UNK: variants seen among roughly 807,000 people sequenced by gnomAD.
UNK encodes unk zinc finger.
In UNK, 32 loss-of-function variants were observed where a neutral mutation model predicts 97.6. The ratio of observed to expected loss-of-function variants is 0.33; its 90% CI spans 0.25 to 0.44. The LOEUF (loss-of-function observed/expected upper bound fraction) is 0.44. UNK is among the 20% of genes least tolerant of loss of function. The pLI is 1.00. For synonymous variants in UNK, 441 were observed against 461.2 expected (o/e 0.96, Z 0.56); for missense variants, 771 against 1,098.4 (o/e 0.70, Z 4.21).
intron 6 of UNK, among the ~76,000 whole-genome samples, chr17:75,814,593 C>A (rs9913385): frequency 0.19 from 28,280 of 151,836 alleles, 2,861 homozygotes; most frequent in African/African-American, 0.26. Flanking sequence ...TAACACAGTT[C>A]CCTTGCCCTC....
chr17:75,785,083 C>T (rs1397853447), intron 1 of UNK, 99 bp downstream of exon 1: 2 of 737,582 alleles, frequency 2.7e-6, no homozygotes, highest in Admixed American at 3.7e-5. Flanking sequence ...GCCTCTTCCT[C>T]CCCCCCTTCC....
chr17:75,814,489 CAAAAAAA>C (rs59234903), intron 6 of UNK, among the ~76,000 whole-genome samples: 2 of 70,022 alleles, frequency 2.9e-5, no homozygotes, highest in African/African-American at 5.9e-5. Context: ...GAGACTCCAT[CAAAAAAA>C]AAAAAAAAAA....
At chr17:75,792,929 T>A (rs2061775192) in intron 1 of UNK, among the ~76,000 whole-genome samples, 1 of 152,250 alleles carries the variant, frequency 6.6e-6, no homozygotes, top group Non-Finnish European at 1.5e-5. Flanking sequence ...CAACAGTGGT[T>A]CAGTGTGGGA....
Position 75,817,401 on chromosome 17 carries a change from C to T in UNK, c.1180C>T (p.Pro394Ser), listed in dbSNP as rs1475069034. 1 of 1,612,514 alleles carries T rather than the reference C, an allele frequency of 6.2e-7. No individual in the cohort carries two copies. Among genetic ancestry groups the T allele is most frequent in the Admixed American group, 1.7e-5 (1 of 59,970 alleles). ...GSPPGSIRKP[P>S]NLEGIVFPGE... ...CCCACCGGGCTCCATCAGGAAGCCCCCAAACCTGGAGGGCATCGTCTTCCC... is the reference window on the plus strand; with the variant it reads ...CCCACCGGGCTCCATCAGGAAGCCCTCAAACCTGGAGGGCATCGTCTTCCC... The change falls in exon 9 of 16, where the codon CCA becomes TCA. Residue 394 changes from proline (P) to serine (S), a missense_variant. Coordinates refer to ENST00000589666, the MANE Select transcript of UNK (RefSeq NM_001080419.3). The surrounding 1 kb of genome is among the most constrained non-coding windows in gnomAD (Gnocchi z 5.8).
In UNK at chr17:75,812,012, A is replaced by G. The variant is rs2061973951; in HGVS notation, c.315-100A>G. The G allele has an allele frequency of 8.0e-6, 11 of 1,380,688 alleles. No homozygotes were observed. In the East Asian group the frequency reaches 2.6e-4, roughly 33 times the overall value. The allele number at this position is 1,380,688 out of a possible 1,614,324, so 85.5% of individuals were successfully genotyped here. On this transcript the variant is annotated intron_variant, in intron 2 of 15. Transcript: ENST00000589666. ...AAACAAAACAAAACAAACAAACAAC[A>G]ACAACAACAACAAAAACAGTTGGGG... is the stretch of plus-strand genomic sequence containing the variant.
At chr17:75,796,320 CTT>C (rs67667491) in intron 1 of UNK, among the ~76,000 whole-genome samples, 44 of 137,190 alleles carry the variant, frequency 3.2e-4, no homozygotes, top group Admixed American at 4.4e-4. Flanking sequence ...ATATTTAAAG[CTT>C]TTTTTTTTTT....
At chr17:75,789,053 C>T (rs993210255) in intron 1 of UNK, among the ~76,000 whole-genome samples, 4 of 152,064 alleles carry the variant, frequency 2.6e-5, no homozygotes, top group Admixed American at 6.6e-5. Context: ...TTTGAGCCCT[C>T]CTTTTCCTAA....
Position 75,819,756 on chromosome 17 carries a change from C to T in UNK, c.1619C>T (p.Thr540Ile). 1 of 1,613,898 alleles carries T rather than the reference C, an allele frequency of 6.2e-7. No homozygotes were observed. Among genetic ancestry groups the T allele is most frequent in the African/African-American group, 1.3e-5 (1 of 75,078 alleles). Residue 540 changes from threonine (T) to isoleucine (I), a missense_variant, in exon 12 of 16, where the codon ACA (threonine) becomes ATA (isoleucine). Physicochemically the swap from Thr to Ile is moderately conservative, Grantham distance 89. Around this residue, in one of 5 missense-constraint regions of UNK, gnomAD observed 91 missense variants for 173.1 expected, o/e 0.53. Transcript: ENST00000589666. This position sits in a 1 kb window ranked among gnomAD's most constrained non-coding sequence, Gnocchi z 5.4. ...CTGGAGAAGACTTTCGATAACAGCA[C>T]AGTGCCCCACCCAGGAAGCATCACC... Reference protein sequence around the residue: ...AALEKTFDNSTVPHPGSITIG... With the variant: ...AALEKTFDNSIVPHPGSITIG...
intron 1 of UNK, among the ~76,000 whole-genome samples, chr17:75,798,194 C>T (rs1324783166): frequency 6.6e-6 from 1 of 152,056 alleles, no homozygotes; most frequent in African/African-American, 2.4e-5. Context: ...CCTCAGCCTC[C>T]CGAGTAGCTG....
chr17:75,803,282 A>T (rs1340589045), intron 1 of UNK, among the ~76,000 whole-genome samples: 2 of 152,332 alleles, frequency 1.3e-5, no homozygotes, highest in South Asian at 4.1e-4. Context: ...AGGCACCTGT[A>T]GTCCCAGCTA....
intron 1 of UNK, among the ~76,000 whole-genome samples, chr17:75,786,885 A>AT (rs1379769698): frequency 6.6e-6 from 1 of 152,152 alleles, no homozygotes. Context: ...ACAAAAAAAA[A>AT]GCCTGCCTTT....
At position 75,819,659 on chromosome 17, in the gene UNK, A is replaced by C. The variant is rs755309561; in HGVS notation, c.1547-25A>C. Reference sequence around the variant, plus strand: ...GGGTCAGATAGTCCCTCGGGAGGTCACATCCCACTCTTCTCTGTCCCTAGA... The same window carrying C: ...GGGTCAGATAGTCCCTCGGGAGGTCCCATCCCACTCTTCTCTGTCCCTAGA... On this transcript the variant is annotated intron_variant, in intron 11 of 15. Transcript: ENST00000589666. This position sits in a 1 kb window ranked among gnomAD's most constrained non-coding sequence, Gnocchi z 5.4. 3 of 1,611,630 alleles carry C rather than the reference A, an allele frequency of 1.9e-6. No individual in the cohort carries two copies. The South Asian group carries it at 3.3e-5, about 18-fold the overall frequency.
chr17:75,815,076 T>A (rs1448069669), intron 6 of UNK, 93 bp from the exon 7 acceptor site: 15 of 1,142,184 alleles, frequency 1.3e-5, no homozygotes, highest in African/African-American at 1.1e-4. Flanking sequence ...GGGCAAGAGA[T>A]GACTAAGCCA....
rs1417425915 is a variant in UNK, at chr17:75,818,734, A to C, written c.1464A>C (p.Pro488=). Residue 488 remains proline (P), a synonymous_variant, in exon 11 of 16, where the codon CCA becomes CCC. Transcript: ENST00000589666. This position sits in a 1 kb window ranked among gnomAD's most constrained non-coding sequence, Gnocchi z 5.1. ...TSSLAATPPS[P]VGTSSVPGMN... ...GCCTGGCAGCTACCCCCCCTAGCCC[A>C]GTGGGCACCAGCAGCGTCCCCGGCA... The C allele has an allele frequency of 6.2e-7, 1 of 1,613,060 alleles. No individual in the cohort carries two copies. The highest frequency in any genetic ancestry group is 8.5e-7 in the Non-Finnish European group (1 of 1,179,586).
intron 1 of UNK, among the ~76,000 whole-genome samples, chr17:75,804,505 A>C (rs1322652893): frequency 6.6e-6 from 1 of 151,978 alleles, no homozygotes; most frequent in African/African-American, 2.4e-5. Context: ...TTTATGCCAA[A>C]TCTTCAACTG....
intron 1 of UNK, chr17:75,793,723 C>T: frequency 1.0e-6 from 1 of 985,302 alleles, no homozygotes; most frequent in South Asian, 4.7e-5. Flanking sequence ...TTCCTGTTAG[C>T]ATTTGAAACA....
chr17:75,801,048 C>T (rs917236376), intron 1 of UNK, among the ~76,000 whole-genome samples: 9 of 151,748 alleles, frequency 5.9e-5, no homozygotes, highest in Admixed American at 6.6e-5. Flanking sequence ...GGACTACAGG[C>T]GCCAGCCACC....
intron 1 of UNK, among the ~76,000 whole-genome samples, chr17:75,805,272 G>T (rs2061901629): frequency 6.6e-6 from 1 of 151,490 alleles, no homozygotes; most frequent in African/African-American, 2.4e-5. Flanking sequence ...GGGCATGGTG[G>T]CTGTGGTCCC....
rs774383187 is a variant in UNK, at chr17:75,819,721, C to T, written c.1584C>T (p.Gly528=). The part of the protein sequence containing the change: ...ALDDLDLNEF[G]VAALEKTFDN... The stretch of plus-strand genomic sequence containing the variant: ...ATGACCTGGACCTGAATGAGTTTGG[C>T]GTGGCCGCCCTGGAGAAGACTTTCG... Residue 528 remains glycine, a synonymous_variant, in exon 12 of 16, where the codon GGC becomes GGT. Transcript: ENST00000589666. This position sits in a 1 kb window ranked among gnomAD's most constrained non-coding sequence, Gnocchi z 5.4. 9.9e-6 allele frequency: 16 copies of T among 1,613,878 alleles called. No individual in the cohort carries two copies. In the East Asian group the frequency reaches 1.6e-4, roughly 16 times the overall value.
Sources: allele counts gnomAD v4.1 joint callset (sites outside exome capture counted in the v4.1 genomes callset), GRCh38; gene constraint gnomAD v4.1.1; regional missense constraint gnomAD v4.1.1; non-coding constraint Gnocchi (gnomAD v3.1); transcripts MANE v1.5; gene names NCBI Gene and HGNC (gene_info 2026-07-23, HGNC 2026-07-21).